The following SLC44A5 variants were observed in gnomAD, a reference collection of about 807,000 sequenced individuals.
The protein encoded by SLC44A5 is solute carrier family 44 member 5.
Under a neutral mutation model 101.8 loss-of-function variants are expected in SLC44A5, and 57 were observed. The ratio of observed to expected loss-of-function variants is 0.56; its 90% CI spans 0.45 to 0.70. The LOEUF is 0.70. Ranked by LOEUF, SLC44A5 falls within the 30% of genes least tolerant of loss-of-function variation. The pLI, the probability that SLC44A5 is intolerant of heterozygous loss-of-function variation, is 0.00. For missense variants in SLC44A5, 737 were observed against 853.1 expected (o/e 0.86, Z 1.70); for synonymous variants, 281 against 290.9 (o/e 0.97, Z 0.35).
At chr1:75,228,067 G>C (rs1647263574) in intron 12 of SLC44A5, among the ~76,000 whole-genome samples, 1 of 152,120 alleles carries the variant, frequency 6.6e-6, no homozygotes, top group African/African-American at 2.4e-5. Flanking sequence ...TATTTGTCTT[G>C]ATAATTATGG....
the SLC44A5 span, among the ~76,000 whole-genome samples, chr1:75,712,713 A>AAAAATTAAAAAAAAAAAAAAAAAAAAAAC: frequency 1.8e-5 from 2 of 110,642 alleles, no homozygotes; most frequent in Non-Finnish European, 3.5e-5. Flanking sequence ...AAAAAAAAAA[A>AAAAATTAAAAAAAAAAAAAAAAAAAAAAC]ATGGAAAAGA....
intron 2 of SLC44A5, among the ~76,000 whole-genome samples, chr1:75,539,835 T>C (rs774411938): frequency 1.3e-5 from 2 of 152,170 alleles, no homozygotes; most frequent in African/African-American, 2.4e-5. Context: ...TTTCTGATGA[T>C]GAAAGGTGTG....
At chr1:75,305,890 A>G (rs980606670) in intron 4 of SLC44A5, among the ~76,000 whole-genome samples, 1 of 152,238 alleles carries the variant, frequency 6.6e-6, no homozygotes, top group African/African-American at 2.4e-5. Flanking sequence ...GACCTAGGGA[A>G]CTTTTGTTTG....
At chr1:75,487,392 A>G (rs1467578521) in intron 2 of SLC44A5, among the ~76,000 whole-genome samples, 2 of 152,226 alleles carry the variant, frequency 1.3e-5, no homozygotes, top group African/African-American at 4.8e-5. Flanking sequence ...AGCTCCAGGC[A>G]GAGGAAACCA....
the SLC44A5 span, among the ~76,000 whole-genome samples, chr1:75,700,970 C>T: frequency 2.0e-5 from 3 of 152,158 alleles, no homozygotes; most frequent in Admixed American, 2.0e-4. Flanking sequence ...GAAGTTGAAT[C>T]TCTGAATAGA....
intron 1 of SLC44A5, among the ~76,000 whole-genome samples, chr1:75,555,740 G>A (rs1672180602): frequency 6.6e-6 from 1 of 152,036 alleles, no homozygotes; most frequent in Admixed American, 6.6e-5. Context: ...ACTACACTAT[G>A]GGAAATGTTC....
intron 2 of SLC44A5, among the ~76,000 whole-genome samples, chr1:75,457,825 C>G (rs1160255414): frequency 6.6e-6 from 1 of 151,868 alleles, no homozygotes; most frequent in Non-Finnish European, 1.5e-5. Flanking sequence ...CCACTGCACT[C>G]CAGCCTGGGC....
intron 1 of SLC44A5, among the ~76,000 whole-genome samples, chr1:75,604,036 T>G (rs912053710): frequency 6.6e-6 from 1 of 152,056 alleles, no homozygotes; most frequent in Non-Finnish European, 1.5e-5. Context: ...TCACTTGCAA[T>G]TTTTGCTTTT....
chr1:75,708,413 CAAAAAAAAAAA>C, the SLC44A5 span, among the ~76,000 whole-genome samples: 5 of 39,064 alleles, frequency 1.3e-4, no homozygotes, highest in African/African-American at 5.5e-4. Context: ...GACTCCGTCT[CAAAAAAAAAAA>C]AAAAAAAAAA....
chr1:75,596,660 A>G (rs1404854706), intron 1 of SLC44A5, among the ~76,000 whole-genome samples: 2 of 152,226 alleles, frequency 1.3e-5, no homozygotes, highest in African/African-American at 4.8e-5. Flanking sequence ...ATGCAAATCA[A>G]TAGTGATTCA....
intron 2 of SLC44A5, among the ~76,000 whole-genome samples, chr1:75,404,902 A>G (rs1662745333): frequency 6.6e-6 from 1 of 152,258 alleles, no homozygotes; most frequent in South Asian, 2.1e-4. Context: ...ACAGACTGGC[A>G]AATTGGATAA....
intron 1 of SLC44A5, chr1:75,582,024 T>C: frequency 5.0e-6 from 3 of 603,718 alleles, no homozygotes; most frequent in Non-Finnish European, 8.9e-6. Flanking sequence ...GACCAAGATA[T>C]CCAGTTATAT....
intron 23 of SLC44A5, among the ~76,000 whole-genome samples, chr1:75,210,202 G>A (rs538962546): frequency 1.6e-4 from 24 of 151,506 alleles, no homozygotes; most frequent in East Asian, 5.8e-4. Context: ...GTGTGCTACC[G>A]TGCCTGGCTA....
chr1:75,544,457 A>G (rs1378779322), intron 1 of SLC44A5, among the ~76,000 whole-genome samples: 1 of 152,098 alleles, frequency 6.6e-6, no homozygotes, highest in Non-Finnish European at 1.5e-5. Flanking sequence ...ATACTCCTCA[A>G]TTGTTACCAT....
chr1:75,613,351 TCTGAG>T (rs749111607), upstream of SLC44A5, among the ~76,000 whole-genome samples: 1 of 152,212 alleles, frequency 6.6e-6, no homozygotes, highest in Non-Finnish European at 1.5e-5. Context: ...GAAGCAGACA[TCTGAG>T]AGCAGTTCAG....
In SLC44A5 at chr1:75,541,459, G is replaced by A. The variant is rs376147146; in HGVS notation, c.-12C>T. ...CCTGTGTCATTCATTGAGATAAAAGGCTGTCTCTTCAGAAGTAGGCCTGAA... is the reference window on the plus strand; with the variant it reads ...CCTGTGTCATTCATTGAGATAAAAGACTGTCTCTTCAGAAGTAGGCCTGAA... On this transcript the variant is annotated 5_prime_UTR_variant, in exon 2 of 24. Transcript: ENST00000370859. 2 of 1,611,522 alleles carry A rather than the reference G, an allele frequency of 1.2e-6. No homozygotes were observed. Among genetic ancestry groups the A allele is most frequent in the South Asian group, 2.2e-5 (2 of 90,698 alleles).
chr1:75,685,048 G>C, the SLC44A5 span, among the ~76,000 whole-genome samples: 1 of 152,162 alleles, frequency 6.6e-6, no homozygotes, highest in Non-Finnish European at 1.5e-5. Flanking sequence ...CAACTTCTGT[G>C]CACTGGCAGG....
chr1:75,401,556 T>G (rs1662476470), intron 2 of SLC44A5, among the ~76,000 whole-genome samples: 1 of 152,106 alleles, frequency 6.6e-6, no homozygotes, highest in Non-Finnish European at 1.5e-5. Flanking sequence ...GGAAGGAGCT[T>G]GGCATCTATG....
intron 13 of SLC44A5, among the ~76,000 whole-genome samples, chr1:75,226,871 GTTACAT>G (rs1647208764): frequency 6.6e-6 from 1 of 151,834 alleles, no homozygotes; most frequent in South Asian, 2.1e-4. Flanking sequence ...AAAAAATTTT[GTTACAT>G]TTAAATAAAT....
Sources: allele counts gnomAD v4.1 joint callset (sites outside exome capture counted in the v4.1 genomes callset), GRCh38; gene constraint gnomAD v4.1.1; transcripts MANE v1.5; gene names NCBI Gene and HGNC (gene_info 2026-07-23, HGNC 2026-07-21).